The following PLXNA2 variants were observed in gnomAD, a reference collection of about 807,000 sequenced individuals.
PLXNA2 encodes the protein plexin-A2.
PLXNA2 carries 91 observed loss-of-function variants against 193.5 expected under a neutral mutation model. The ratio of observed to expected loss-of-function variants is 0.47; its 90% CI spans 0.40 to 0.56. The LOEUF is 0.56. Among genes scored for constraint, PLXNA2 ranks in the 20% least tolerant of loss-of-function variants. The pLI, the probability that PLXNA2 is intolerant of heterozygous loss-of-function variation, is 0.00. For synonymous variants in PLXNA2, 997 were observed against 1,027.3 expected, an observed-to-expected ratio of 0.97 and a Z score of 0.56; for missense variants, 1,995 against 2,503.2, an observed-to-expected ratio of 0.80 and a Z score of 4.33.
chr1:208,041,688 A>G (rs1558160111), intron 22 of PLXNA2, among the ~76,000 whole-genome samples: 1 of 152,350 alleles, frequency 6.6e-6, no homozygotes, highest in Admixed American at 6.5e-5. Context: ...ACCTGTGGCT[A>G]GGGGCCGCTG....
At chr1:208,077,168 G>A (rs534297096) in intron 12 of PLXNA2, among the ~76,000 whole-genome samples, 1 of 152,052 alleles carries the variant, frequency 6.6e-6, no homozygotes, top group African/African-American at 2.4e-5. Context: ...GACCTCCCCC[G>A]AGTGGCTTGG....
intron 12 of PLXNA2, among the ~76,000 whole-genome samples, chr1:208,062,609 A>T (rs1665653562): frequency 6.6e-6 from 1 of 152,072 alleles, no homozygotes; most frequent in African/African-American, 2.4e-5. Context: ...TATCCAAGTC[A>T]CCTTGTCTAT....
intron 3 of PLXNA2, among the ~76,000 whole-genome samples, chr1:208,148,509 G>C (rs764410541): frequency 2.1e-4 from 32 of 152,094 alleles, no homozygotes; most frequent in Non-Finnish European, 4.1e-4. Context: ...CATAATGGTG[G>C]GACATAATGG....
chr1:208,201,026 G>A (rs1357644751), intron 3 of PLXNA2, among the ~76,000 whole-genome samples: 1 of 152,226 alleles, frequency 6.6e-6, no homozygotes. Flanking sequence ...AGTAATACTA[G>A]TAGGAGGAGT....
chr1:208,188,086 T>C (rs904171844), intron 3 of PLXNA2, among the ~76,000 whole-genome samples: 1 of 152,156 alleles, frequency 6.6e-6, no homozygotes, highest in African/African-American at 2.4e-5. Flanking sequence ...CGCACCTGAA[T>C]ATTTATGAGA....
intron 3 of PLXNA2, among the ~76,000 whole-genome samples, chr1:208,165,631 C>G (rs1010813298): frequency 6.6e-6 from 1 of 152,144 alleles, no homozygotes; most frequent in Non-Finnish European, 1.5e-5. Context: ...CTCAAAACCC[C>G]GCAAGCCCAG....
chr1:208,092,973 G>T, intron 8 of PLXNA2, 73 bp from the exon 9 acceptor site: 1 of 1,052,898 alleles, frequency 9.5e-7, no homozygotes. Context: ...CATGATAGAA[G>T]TCTGTTAACC....
chr1:208,074,870 T>TA (rs1469450860), intron 12 of PLXNA2, among the ~76,000 whole-genome samples: 2 of 152,102 alleles, frequency 1.3e-5, no homozygotes, highest in Non-Finnish European at 1.5e-5. Flanking sequence ...GTGGCTGCAC[T>TA]AAGGAGGACA....
intron 3 of PLXNA2, among the ~76,000 whole-genome samples, chr1:208,183,113 T>C (rs577999319): frequency 1.3e-5 from 2 of 151,584 alleles, no homozygotes; most frequent in Non-Finnish European, 1.5e-5. Flanking sequence ...AGGGGAGAGG[T>C]CAGAAGAACA....
At chr1:208,207,147 A>G (rs1274045257) in intron 3 of PLXNA2, among the ~76,000 whole-genome samples, 13 of 152,188 alleles carry the variant, frequency 8.5e-5, no homozygotes, top group Non-Finnish European at 1.9e-4. Context: ...CTGGGACTAC[A>G]GGCATGTGCC....
intron 4 of PLXNA2, among the ~76,000 whole-genome samples, chr1:208,140,918 A>AGTGC (rs1668438808): frequency 6.6e-6 from 1 of 152,164 alleles, no homozygotes; most frequent in Non-Finnish European, 1.5e-5. Context: ...TGTTCCCAAT[A>AGTGC]AATATGTGCC....
intron 26 of PLXNA2, among the ~76,000 whole-genome samples, chr1:208,037,554 T>A (rs1664710589): frequency 6.6e-6 from 1 of 152,166 alleles, no homozygotes; most frequent in African/African-American, 2.4e-5. Context: ...CTCTAGTTGG[T>A]TTAATTTCCC....
chr1:208,100,348 C>A (rs1191685214), intron 5 of PLXNA2, among the ~76,000 whole-genome samples: 1 of 151,694 alleles, frequency 6.6e-6, no homozygotes. Context: ...ACAGTGAGAC[C>A]TTATCTCAAA....
chr1:208,145,589 T>C (rs560445730), intron 3 of PLXNA2, among the ~76,000 whole-genome samples: 1 of 152,324 alleles, frequency 6.6e-6, no homozygotes, highest in South Asian at 2.1e-4. Context: ...ATGAATGCCA[T>C]GGTGAGGGCC....
intron 13 of PLXNA2, among the ~76,000 whole-genome samples, chr1:208,057,199 C>G (rs1035342609): frequency 2.6e-5 from 4 of 152,200 alleles, no homozygotes; most frequent in Admixed American, 6.5e-5. Flanking sequence ...CATCCTCAGG[C>G]TCTGCTACAG....
At chr1:208,166,049 GA>G (rs1303351500) in intron 3 of PLXNA2, among the ~76,000 whole-genome samples, 2 of 152,106 alleles carry the variant, frequency 1.3e-5, no homozygotes, top group Non-Finnish European at 2.9e-5. Context: ...AGAGAACTCT[GA>G]AAAGGGAACC....
At chr1:208,133,189 C>A (rs967295985) in intron 4 of PLXNA2, among the ~76,000 whole-genome samples, 1 of 152,144 alleles carries the variant, frequency 6.6e-6, no homozygotes, top group Non-Finnish European at 1.5e-5. Context: ...GGGAGGGAAC[C>A]AGGACAGGTC....
intron 4 of PLXNA2, among the ~76,000 whole-genome samples, chr1:208,111,593 A>C (rs544284949): frequency 3.3e-5 from 5 of 152,264 alleles, no homozygotes; most frequent in African/African-American, 1.2e-4. Flanking sequence ...TTATTTTGAG[A>C]TAAAGACAAT....
chr1:208,084,975 G>A (rs1234526293), intron 9 of PLXNA2, among the ~76,000 whole-genome samples: 5 of 152,030 alleles, frequency 3.3e-5, no homozygotes, highest in African/African-American at 7.2e-5. Flanking sequence ...GTCTGATGCC[G>A]ATGCCTGGGG....
Sources: gnomAD v4.1 joint callset for allele counts (sites outside exome capture counted in the v4.1 genomes callset) on GRCh38, gnomAD v4.1.1 for gene constraint, MANE v1.5 for transcripts, NCBI Gene and HGNC (gene_info 2026-07-23, HGNC 2026-07-21) for gene names.